Variants in POC1B observed in about 807,000 individuals in gnomAD.
The protein encoded by POC1B is POC1 centriolar protein B.
Under a neutral mutation model 60.6 loss-of-function variants are expected in POC1B, and 44 were observed. The ratio of observed to expected loss-of-function variants is 0.73; its 90% CI spans 0.57 to 0.93. The LOEUF (loss-of-function observed/expected upper bound fraction) is 0.93, where lower values mean the gene tolerates loss of function less well. Among genes scored for constraint, POC1B ranks in the 40% least tolerant of loss-of-function variants. The probability of loss-of-function intolerance (pLI) is 0.00; values close to 1 mark genes in which losing one functional copy is unlikely to be tolerated. For synonymous variants in POC1B, 180 were observed against 198.9 expected (o/e 0.90, Z 0.80); for missense variants, 555 against 572.3 (o/e 0.97, Z 0.31).
intron 5 of POC1B, among the ~76,000 whole-genome samples, chr12:89,471,966 C>T (rs1354994008): frequency 6.6e-6 from 1 of 152,060 alleles, no homozygotes; most frequent in Non-Finnish European, 1.5e-5. Flanking sequence ...CAGGGTTTCA[C>T]TATGTTGGTC....
intron 2 of POC1B, among the ~76,000 whole-genome samples, chr12:89,518,214 C>T (rs1248330163): frequency 6.6e-6 from 1 of 152,048 alleles, no homozygotes; most frequent in Non-Finnish European, 1.5e-5. Flanking sequence ...GTAATCTCCA[C>T]CTCCTGTCCA....
intron 2 of POC1B, among the ~76,000 whole-genome samples, chr12:89,504,175 G>A (rs1250367932): frequency 6.6e-6 from 1 of 152,276 alleles, no homozygotes; most frequent in Admixed American, 6.5e-5. Context: ...AGGGGGAAAT[G>A]TGGGGAAAAG....
At chr12:89,467,511 A>T in intron 8 of POC1B, 106 bp downstream of exon 8, 1 of 884,546 alleles carries the variant, frequency 1.1e-6, no homozygotes, top group Non-Finnish European at 1.7e-6. Context: ...AAACTCATTG[A>T]CAAACATCTT....
At chr12:89,464,753 T>C (rs1164964478) in intron 9 of POC1B, among the ~76,000 whole-genome samples, 1 of 148,936 alleles carries the variant, frequency 6.7e-6, no homozygotes, top group East Asian at 2.0e-4. Flanking sequence ...TCCAAAGTGC[T>C]GGGATTACAA....
chr12:89,456,473 T>C (rs956942186), intron 10 of POC1B, among the ~76,000 whole-genome samples: 1 of 152,220 alleles, frequency 6.6e-6, no homozygotes, highest in Non-Finnish European at 1.5e-5. Flanking sequence ...AATCCTGGTC[T>C]AGTTCTAACT....
intron 10 of POC1B, among the ~76,000 whole-genome samples, chr12:89,450,281 C>T (rs1328659020): frequency 6.6e-6 from 1 of 151,512 alleles, no homozygotes; most frequent in East Asian, 1.9e-4. Context: ...GATCTTGGCT[C>T]ACTGCAACCT....
intron 2 of POC1B, among the ~76,000 whole-genome samples, chr12:89,512,784 A>G (rs545639506): frequency 6.6e-6 from 1 of 152,328 alleles, no homozygotes; most frequent in Admixed American, 6.5e-5. Flanking sequence ...CAAGGCAGAT[A>G]AATATCATTA....
chr12:89,421,291 G>A (rs1172513351), intron 11 of POC1B, 34 bp from the exon 12 acceptor site: 1 of 1,502,166 alleles, frequency 6.7e-7, no homozygotes, highest in African/African-American at 1.4e-5. Flanking sequence ...TCAATGCCTG[G>A]TCCTCTGGTG....
chr12:89,446,524 T>G (rs916000242), intron 10 of POC1B, among the ~76,000 whole-genome samples: 9 of 152,198 alleles, frequency 5.9e-5, no homozygotes, highest in African/African-American at 9.6e-5. Context: ...ACACCGCATG[T>G]TCTCACTCAT....
intron 2 of POC1B, chr12:89,522,385 T>C (rs1364588653): frequency 2.6e-6 from 1 of 386,560 alleles, no homozygotes; most frequent in Non-Finnish European, 4.6e-6. Context: ...TTCTATGTAA[T>C]CAAAATAGCA....
chr12:89,414,890 A>C (rs73450549), downstream of POC1B, among the ~76,000 whole-genome samples: 791 of 152,348 alleles, frequency 5.2e-3, 14 homozygotes, highest in African/African-American at 0.018. Context: ...TGAAATGTTA[A>C]GTGAGGGTCC....
At chr12:89,524,580 GCCA>G in intron 2 of POC1B, 1 of 1,607,032 alleles carries the variant, frequency 6.2e-7, no homozygotes, top group Non-Finnish European at 8.5e-7. Context: ...CGCAGACGCG[GCCA>G]CCAAGCCACC....
At chr12:89,523,796 C>T in intron 2 of POC1B, 2 of 1,535,232 alleles carry the variant, frequency 1.3e-6, no homozygotes, top group Admixed American at 2.2e-5. Context: ...ACAGGACACA[C>T]AACTGCTGTT....
intron 10 of POC1B, among the ~76,000 whole-genome samples, chr12:89,456,479 T>C (rs2120790844): frequency 6.6e-6 from 1 of 152,314 alleles, no homozygotes; most frequent in African/African-American, 2.4e-5. Context: ...GGTCTAGTTC[T>C]AACTACAACA....
intron 10 of POC1B, among the ~76,000 whole-genome samples, chr12:89,452,366 C>T (rs1216959841): frequency 6.6e-6 from 1 of 152,044 alleles, no homozygotes; most frequent in Non-Finnish European, 1.5e-5. Flanking sequence ...ATTTATTGGG[C>T]TCCCAAATAG....
chr12:89,403,741 T>A, the POC1B span, among the ~76,000 whole-genome samples: 1 of 152,150 alleles, frequency 6.6e-6, no homozygotes, highest in Non-Finnish European at 1.5e-5. Flanking sequence ...CGAGCTACAC[T>A]CTATCTCTAA....
At chr12:89,498,457 G>GA (rs1450798652) in intron 2 of POC1B, among the ~76,000 whole-genome samples, 3 of 152,112 alleles carry the variant, frequency 2.0e-5, no homozygotes, top group Non-Finnish European at 2.9e-5. Context: ...AGAGTGCTTA[G>GA]AAAAAAATGT....
At chr12:89,501,465 T>G (rs1869563405) in intron 2 of POC1B, 1 of 999,770 alleles carries the variant, frequency 1.0e-6, no homozygotes, top group African/African-American at 1.6e-5. Flanking sequence ...AAGACAAATT[T>G]CAAAGAAATT....
At chr12:89,496,700 C>T (rs1869266376) in intron 3 of POC1B, among the ~76,000 whole-genome samples, 1 of 152,076 alleles carries the variant, frequency 6.6e-6, no homozygotes, top group Admixed American at 6.5e-5. Flanking sequence ...AAACTTTTGT[C>T]AGAAATTTTC....
Sources: gnomAD v4.1 joint callset for allele counts (sites outside exome capture counted in the v4.1 genomes callset) on GRCh38, gnomAD v4.1.1 for gene constraint, MANE v1.5 for transcripts, NCBI Gene and HGNC (gene_info 2026-07-23, HGNC 2026-07-21) for gene names.